TTF2: variants seen among roughly 807,000 people sequenced by gnomAD.
The protein encoded by TTF2 is RNA polymerase II termination factor.
A neutral mutation model predicts 142.4 loss-of-function variants in TTF2; 108 were observed. That is an observed-to-expected ratio of 0.76 (90% confidence interval 0.65 to 0.89). The LOEUF is 0.89. Among genes scored for constraint, TTF2 ranks in the 40% least tolerant of loss-of-function variants. The pLI, the probability that TTF2 is intolerant of heterozygous loss-of-function variation, is 0.00. For synonymous variants in TTF2, 483 were observed against 506.2 expected, an observed-to-expected ratio of 0.95 and a Z score of 0.61; for missense variants, 1,327 against 1,379.8, an observed-to-expected ratio of 0.96 and a Z score of 0.61.
At position 117,102,739 on chromosome 1, in the gene TTF2, CCAATCCAATACTAATAATACTATTGGTA is replaced by C. The variant is rs1290149590; in HGVS notation, c.*1266_*1293del. ...AATACTAATCCAGTCCAATACTAAT[CCAATCCAATACTAATAATACTATTGGTA>C]CAATCCAATACTAATAATACTATTG... is the stretch of plus-strand genomic sequence containing the variant. On this transcript the variant is annotated 3_prime_UTR_variant, in exon 23 of 23. Transcript: ENST00000369466. The C allele has an allele frequency of 5.0e-3, 759 of 151,950 alleles. 3 individuals are homozygous for C. Among genetic ancestry groups the C allele is most frequent in the African/African-American group, 0.016 (661 of 41,420 alleles). The allele number at this position is 151,950 out of a possible 1,614,324, so 9.4% of individuals were successfully genotyped here. A position where few individuals can be genotyped will look rare whatever the true frequency, so the allele number is the denominator to read the frequency against.
rs779074805 is a variant in TTF2 at position 117,074,852 on chromosome 1, T to C, written c.286-18T>C. 2 of 1,541,440 alleles carry C rather than the reference T, an allele frequency of 1.3e-6. No homozygotes were observed. The highest frequency in any genetic ancestry group is 1.7e-6 in the Non-Finnish European group (2 of 1,149,834). ...TTGTATTAATATTTTATATGAAGAT[T>C]AATTATTTTGTCTTTAGGATCCTGA... On this transcript the variant is annotated intron_variant, in intron 4 of 22. Coordinates refer to ENST00000369466, the MANE Select transcript of TTF2 (RefSeq NM_003594.4).
At chr1:117,083,872 G>T (rs1647766796) in intron 10 of TTF2, 146 bp from the exon 11 acceptor site, 2 of 897,362 alleles carry the variant, frequency 2.2e-6, no homozygotes, top group East Asian at 2.5e-5. Flanking sequence ...TCCACTGTGG[G>T]AGGCTAAGGC....
In TTF2 at chr1:117,095,355, C is replaced by T. The variant is rs1649023526; in HGVS notation, c.3023C>T (p.Ala1008Val). 6.2e-7 allele frequency: 1 copy of T among 1,614,004 alleles called. No homozygotes were observed. The highest frequency in any genetic ancestry group is 1.7e-5 in the Admixed American group (1 of 60,002). The change falls in exon 19 of 23, where the codon GCA becomes GTA. Residue 1008 changes from alanine (A) to valine (V), a missense_variant. By Grantham distance (64) the Ala-to-Val change is moderately conservative. Transcript: ENST00000369466. The part of the protein sequence containing the change: ...AELEAIQRNS[A>V]SQKSVIVSQW... The stretch of plus-strand genomic sequence containing the variant: ...TTGGAGGCAATTCAAAGAAATTCAG[C>T]ATCCCAAAAGAGGTAACTGCGTTTT...
At position 117,075,478 on chromosome 1, in the gene TTF2, C is replaced by T. The variant is rs1172847197; in HGVS notation, c.894C>T (p.Gly298=). The T allele has an allele frequency of 5.0e-6, 8 of 1,613,974 alleles. No individual in the cohort carries two copies. Among genetic ancestry groups the T allele is most frequent in the Non-Finnish European group, 6.8e-6 (8 of 1,179,978 alleles). The part of the protein sequence containing the change: ...WEAKETKAKD[G]PSIQATQKSL... ...CTAAAGAAACAAAGGCAAAGGATGG[C>T]CCTAGCATACAGGCCACCCAGAAAA... Residue 298 remains glycine (G), a synonymous_variant, in exon 5 of 23, where the codon GGC becomes GGT. Coordinates refer to ENST00000369466, the MANE Select transcript of TTF2 (RefSeq NM_003594.4). The surrounding 1 kb of genome is among the most constrained non-coding windows in gnomAD (Gnocchi z 4.5).
At position 117,073,780 on chromosome 1, in the gene TTF2, C is replaced by T. The variant is rs1656775489; in HGVS notation, c.285+53C>T. The T allele has an allele frequency of 6.6e-7, 1 of 1,519,734 alleles. No homozygotes were observed. The highest frequency in any genetic ancestry group is 1.4e-5 in the African/African-American group (1 of 73,248). 94.1% of individuals were successfully genotyped at this position (1,519,734 alleles called of 1,614,324 possible). ...CTGCTGTGTTAAGACTTTTAATATG[C>T]AGCATCACCTGAAAATACCTTGAAG... On this transcript the variant is annotated intron_variant, in intron 4 of 22. Transcript: ENST00000369466. The surrounding 1 kb of genome is among the most constrained non-coding windows in gnomAD (Gnocchi z 4.4).
Position 117,079,544 on chromosome 1 carries a change from G to C in TTF2, c.1702-24G>C. The C allele has an allele frequency of 5.0e-6, 8 of 1,613,066 alleles. No homozygotes were observed. Among genetic ancestry groups the C allele is most frequent in the Non-Finnish European group, 6.8e-6 (8 of 1,179,014 alleles). ...GCCTCTCATTAGGAATTTATGCTTA[G>C]CATTTGGTTATTACCTTTGTCAGGT... On this transcript the variant is annotated intron_variant, in intron 8 of 22. Transcript: ENST00000369466. The surrounding 1 kb of genome is among the most constrained non-coding windows in gnomAD (Gnocchi z 4.2).
At chr1:117,095,228 G>T in intron 18 of TTF2, 81 bp from the exon 19 acceptor site, 2 of 1,338,764 alleles carry the variant, frequency 1.5e-6, no homozygotes, top group Admixed American at 3.4e-5. Context: ...CCATGTAGGA[G>T]GCTGCTTCGC....
intron 19 of TTF2, 55 bp from the exon 20 acceptor site, chr1:117,096,094 G>C (rs944728338): frequency 6.3e-7 from 1 of 1,595,232 alleles, no homozygotes; most frequent in African/African-American, 1.3e-5. Context: ...AAGCCCTGCA[G>C]ATGAGTCTGT....
chr1:117,097,363 T>C lies in TTF2; in HGVS notation c.3199T>C (p.Ser1067Pro). ...TTTCCTTTTGAAGGTAATGCTAATC[T>C]CTCTCTTGGCCGGAGGTGTTGGTCT... ...HSRGPQVMLI[S>P]LLAGGVGLNL... Residue 1067 changes from serine (S) to proline (P), a missense_variant, in exon 21 of 23, where the codon TCT becomes CCT. Coordinates refer to ENST00000369466, the MANE Select transcript of TTF2 (RefSeq NM_003594.4). This position sits in a 1 kb window ranked among gnomAD's most constrained non-coding sequence, Gnocchi z 4.1. 1 of 1,614,136 alleles carries C rather than the reference T, an allele frequency of 6.2e-7. No homozygotes were observed. Among genetic ancestry groups the C allele is most frequent in the Non-Finnish European group, 8.5e-7 (1 of 1,179,992 alleles).
chr1:117,079,750 C>A lies in TTF2; in HGVS notation c.1783+101C>A. 8.9e-7 allele frequency: 1 copy of A among 1,123,014 alleles called. No homozygotes were observed. The highest frequency in any genetic ancestry group is 1.3e-6 in the Non-Finnish European group (1 of 749,128). 69.6% of individuals were successfully genotyped at this position (1,123,014 alleles called of 1,614,324 possible). A position where few individuals can be genotyped will look rare whatever the true frequency, so the allele number is the denominator to read the frequency against. On this transcript the variant is annotated intron_variant, in intron 9 of 22. Transcript: ENST00000369466. This position sits in a 1 kb window ranked among gnomAD's most constrained non-coding sequence, Gnocchi z 4.2. ...TATTCCTCTCAAGAACTCTATGAGGCAGGTACTATTATTCCTCATTTTACA... is the reference window on the plus strand; with the variant it reads ...TATTCCTCTCAAGAACTCTATGAGGAAGGTACTATTATTCCTCATTTTACA...
In TTF2 at chr1:117,064,797, G is replaced by T. The variant is rs143477950; in HGVS notation, c.218+2324G>T. Among the ~76,000 whole-genome samples the T allele has an allele frequency of 3.1e-3, 460 of 150,460 alleles. 4 individuals carry two copies. The highest frequency in any genetic ancestry group is 0.011 in the African/African-American group (440 of 40,976). On this transcript the variant is annotated intron_variant, in intron 3 of 22. Coordinates refer to ENST00000369466, the MANE Select transcript of TTF2 (RefSeq NM_003594.4). ...GCCTCCCAAGGTGCTAGGATTACAGGTGTGAGCTACTGCACCTGGCCTGTT... is the reference window on the plus strand; with the variant it reads ...GCCTCCCAAGGTGCTAGGATTACAGTTGTGAGCTACTGCACCTGGCCTGTT...
Position 117,076,388 on chromosome 1 carries a change from C to A in TTF2, c.1390+94C>A. ...TTAATAAAGAATGTGTTGATTCATT[C>A]ACTTTTCCATTTTATTATCTGCTTC... On this transcript the variant is annotated intron_variant, in intron 6 of 22. Transcript: ENST00000369466. The surrounding 1 kb of genome is among the most constrained non-coding windows in gnomAD (Gnocchi z 4.6). 9.4e-7 allele frequency: 1 copy of A among 1,066,574 alleles called. No homozygotes were observed. The highest frequency in any genetic ancestry group is 1.4e-6 in the Non-Finnish European group (1 of 737,272). 66.1% of individuals were successfully genotyped at this position (1,066,574 alleles called of 1,614,324 possible).
In TTF2 at chr1:117,085,830, T is replaced by C. The variant is rs1472861416; in HGVS notation, c.2055-587T>C. Among the ~76,000 whole-genome samples, 1 of 152,192 alleles carries C rather than the reference T, an allele frequency of 6.6e-6. No homozygotes were observed. The highest frequency in any genetic ancestry group is 1.5e-5 in the Non-Finnish European group (1 of 68,026). On this transcript the variant is annotated intron_variant, in intron 11 of 22. Coordinates refer to ENST00000369466, the MANE Select transcript of TTF2 (RefSeq NM_003594.4). The surrounding 1 kb of genome is among the most constrained non-coding windows in gnomAD (Gnocchi z 4.7). ...GTTTCTCATTAATAATCTTTATATG[T>C]AAGGAGTATAAGCAAGATACACTGA...
chr1:117,101,341 T>A lies in TTF2; in HGVS notation c.3345-39T>A. The A allele has an allele frequency of 6.5e-7, 1 of 1,543,740 alleles. No individual in the cohort carries two copies. The highest frequency in any genetic ancestry group is 8.7e-7 in the Non-Finnish European group (1 of 1,154,306). On this transcript the variant is annotated intron_variant, in intron 22 of 22. Coordinates refer to ENST00000369466, the MANE Select transcript of TTF2 (RefSeq NM_003594.4). The surrounding 1 kb of genome is among the most constrained non-coding windows in gnomAD (Gnocchi z 5.9). ...ATATTATTAGATGTGCTGCTTAGGG[T>A]TTTTGATAGTTTGCTTATTTTTTGT...
chr1:117,098,844 T>C lies in TTF2; in HGVS notation c.3281T>C (p.Leu1094Pro). 1 of 1,611,846 alleles carries C rather than the reference T, an allele frequency of 6.2e-7. No individual in the cohort carries two copies. Among genetic ancestry groups the C allele is most frequent in the Non-Finnish European group, 8.5e-7 (1 of 1,179,406 alleles). ...CTGTCTTCTAACAGGAATCCATCAC[T>C]TGAAGATCAAGCTTGTGACCGAATT... ...FLLDMHWNPS[L>P]EDQACDRIYR... Residue 1094 changes from leucine to proline, a missense_variant, in exon 22 of 23, where the codon CTT becomes CCT. Physicochemically the swap from Leu to Pro is moderately conservative, Grantham distance 98. Coordinates refer to ENST00000369466, the MANE Select transcript of TTF2 (RefSeq NM_003594.4).
In TTF2 at chr1:117,091,393, A is replaced by G; in HGVS notation, c.2654A>G (p.Asn885Ser). 1 of 1,613,590 alleles carries G rather than the reference A, an allele frequency of 6.2e-7. No homozygotes were observed. The highest frequency in any genetic ancestry group is 8.5e-7 in the Non-Finnish European group (1 of 1,179,912). Residue 885 changes from asparagine to serine, a missense_variant, in exon 16 of 23, where the codon AAT (asparagine) becomes AGT (serine). Transcript: ENST00000369466. Reference sequence around the variant, plus strand: ...GGCAACCAATCTGGAAGAAGCCCTAATAATCCATTCAGTAGAGGTAAGCTG... The same window carrying G: ...GGCAACCAATCTGGAAGAAGCCCTAGTAATCCATTCAGTAGAGGTAAGCTG... The part of the protein sequence containing the change: ...SRGNQSGRSP[N>S]NPFSRVALEF...
chr1:117,090,445 A>G lies in TTF2; in HGVS notation c.2497-87A>G. ...GAAGCTGCATTCCAGGGTTGACTAG[A>G]TATGCAGTGTCAGTATGGGGAATTT... On this transcript the variant is annotated intron_variant, in intron 14 of 22. Transcript: ENST00000369466. The surrounding 1 kb of genome is among the most constrained non-coding windows in gnomAD (Gnocchi z 4.8). 1 of 1,296,606 alleles carries G rather than the reference A, an allele frequency of 7.7e-7. No individual in the cohort carries two copies. The highest frequency in any genetic ancestry group is 1.1e-6 in the Non-Finnish European group (1 of 909,284). 80.3% of individuals were successfully genotyped at this position (1,296,606 alleles called of 1,614,324 possible).
In TTF2 at chr1:117,105,123, G is replaced by A. The variant is rs1649849505; in HGVS notation, c.*3599G>A. 6.6e-6 allele frequency: 1 copy of A among 152,136 alleles called. No individual in the cohort carries two copies. The highest frequency in any genetic ancestry group is 1.5e-5 in the Non-Finnish European group (1 of 68,038). 9.4% of individuals were successfully genotyped at this position (152,136 alleles called of 1,614,324 possible). On this transcript the variant is annotated 3_prime_UTR_variant, in exon 23 of 23. Coordinates refer to ENST00000369466, the MANE Select transcript of TTF2 (RefSeq NM_003594.4). The surrounding 1 kb of genome is among the most constrained non-coding windows in gnomAD (Gnocchi z 4.7). ...CTGACTTGGGCATGGATGATATGAG[G>A]TAATAAATGCTTTGAAAACCATGAA...
At position 117,079,338 on chromosome 1, in the gene TTF2, T is replaced by C. The variant is rs1647285734; in HGVS notation, c.1702-230T>C. On this transcript the variant is annotated intron_variant, in intron 8 of 22. Transcript: ENST00000369466. This position sits in a 1 kb window ranked among gnomAD's most constrained non-coding sequence, Gnocchi z 4.2. ...CTTGGGGTGTAGGGGGGACTCTTAA[T>C]AGAAATGCTGAACATTAGATGCAAC... is the stretch of plus-strand genomic sequence containing the variant. Among the ~76,000 whole-genome samples, 1 of 152,132 alleles carries C rather than the reference T, an allele frequency of 6.6e-6. No homozygotes were observed. The highest frequency in any genetic ancestry group is 2.1e-4 in the South Asian group (1 of 4,828).
Sources: allele counts gnomAD v4.1 joint callset (sites outside exome capture counted in the v4.1 genomes callset), GRCh38; gene constraint gnomAD v4.1.1; non-coding constraint Gnocchi (gnomAD v3.1); transcripts MANE v1.5; gene names NCBI Gene and HGNC (gene_info 2026-07-23, HGNC 2026-07-21).